NRXN1: variants seen among roughly 807,000 people sequenced by gnomAD.
NRXN1 encodes the protein neurexin 1, also known as neurexin-1.
A neutral mutation model predicts 150.9 loss-of-function variants in NRXN1; 39 were observed. The ratio of observed to expected loss-of-function variants is 0.26; its 90% confidence interval spans 0.20 to 0.34. NRXN1 has a LOEUF of 0.34. Among genes scored for constraint, NRXN1 ranks in the 10% least tolerant of loss-of-function variants. The pLI is 1.00. For missense variants in NRXN1, 1,815 were observed against 1,949.9 expected (o/e 0.93, Z 1.30); for synonymous variants, 924 against 757.0 (o/e 1.22, Z -3.62).
intron 21 of NRXN1, among the ~76,000 whole-genome samples, chr2:50,010,397 C>G (rs1409479276): frequency 1.3e-5 from 2 of 152,106 alleles, no homozygotes; most frequent in South Asian, 2.1e-4. Context: ...ATGTTATTGT[C>G]TTATCTTTTT....
rs185859924 is a variant in NRXN1 at position 50,606,000 on chromosome 2, G to C, written c.1320+14022C>G. 6.6e-4 allele frequency among the ~76,000 whole-genome samples: 101 copies of C among 152,192 alleles called. 1 individual carries two copies. The highest frequency in any genetic ancestry group is 2.3e-3 in the African/African-American group (97 of 41,528). Reference sequence around the variant, plus strand: ...AATCAGCCAGGAGCCTGTAATCCTAGCACTTTGGGAGGCCAAGGCAGGCAG... The same window carrying C: ...AATCAGCCAGGAGCCTGTAATCCTACCACTTTGGGAGGCCAAGGCAGGCAG... On this transcript the variant is annotated intron_variant, in intron 8 of 22. Coordinates refer to ENST00000401669, the MANE Select transcript of NRXN1 (RefSeq NM_001330078.2).
intron 18 of NRXN1, among the ~76,000 whole-genome samples, chr2:50,133,241 G>C (rs4971649): frequency 0.17 from 25,852 of 152,004 alleles, 2,684 homozygotes; most frequent in East Asian, 0.37. Flanking sequence ...TGTAGGGAAA[G>C]TGGCTGAGGC....
chr2:50,823,723 G>A (rs1327623006), intron 5 of NRXN1, among the ~76,000 whole-genome samples: 3 of 152,104 alleles, frequency 2.0e-5, no homozygotes, highest in Non-Finnish European at 4.4e-5. Context: ...GAATAGTGCT[G>A]GATCCACAGT....
intron 2 of NRXN1, among the ~76,000 whole-genome samples, chr2:50,971,065 T>C (rs774769700): frequency 3.0e-4 from 46 of 152,192 alleles, no homozygotes; most frequent in Non-Finnish European, 4.4e-4. Context: ...TAAAAGGGTC[T>C]ATCTACAAAC....
intron 17 of NRXN1, among the ~76,000 whole-genome samples, chr2:50,366,771 A>G (rs1002648651): frequency 2.6e-5 from 4 of 151,958 alleles, no homozygotes; most frequent in Admixed American, 6.6e-5. Flanking sequence ...TTCTGAGATC[A>G]TGAGGTCAAA....
chr2:50,366,502 A>G (rs1454792277), intron 17 of NRXN1, among the ~76,000 whole-genome samples: 1 of 151,930 alleles, frequency 6.6e-6, no homozygotes, highest in Non-Finnish European at 1.5e-5. Flanking sequence ...AAGTAGAACC[A>G]TTTGAAAGGA....
chr2:50,323,571 C>CTATATATA (rs149609146), intron 17 of NRXN1, among the ~76,000 whole-genome samples: 201 of 144,362 alleles, frequency 1.4e-3, no homozygotes, highest in African/African-American at 4.7e-3. Context: ...GGGAAATAAA[C>CTATATATA]TATATATATA....
Position 50,279,742 on chromosome 2 carries a change from T to C in NRXN1, c.3365-42772A>G, listed in dbSNP as rs1009042170. The stretch of plus-strand genomic sequence containing the variant: ...AAAAAAATTCACTTCGTATCTCTTG[T>C]TGACAAAATGCCAAGAATCATTTTC... On this transcript the variant is annotated intron_variant, in intron 17 of 22. Coordinates refer to ENST00000401669, the MANE Select transcript of NRXN1 (RefSeq NM_001330078.2). 5.3e-5 allele frequency among the ~76,000 whole-genome samples: 8 copies of C among 152,326 alleles called. No individual in the cohort carries two copies. In the East Asian group the frequency reaches 1.3e-3, roughly 26 times the overall value.
At chr2:50,630,838 A>G (rs1368290077) in intron 5 of NRXN1, among the ~76,000 whole-genome samples, 1 of 151,766 alleles carries the variant, frequency 6.6e-6, no homozygotes, top group African/African-American at 2.4e-5. Context: ...GAAGTCAAAT[A>G]CACAAAAATA....
intron 18 of NRXN1, among the ~76,000 whole-genome samples, chr2:50,098,830 GTTTTTTTTTTTTTTTTTTTTTT>G (rs746736925): frequency 3.7e-4 from 39 of 105,526 alleles, no homozygotes; most frequent in African/African-American, 1.2e-3. Context: ...TTTGGTTTTA[GTTTTTTTTTTTTTTTTTTTTTT>G]TTTTTTTTTT....
At chr2:50,825,631 T>C (rs745500678) in intron 5 of NRXN1, among the ~76,000 whole-genome samples, 10 of 152,224 alleles carry the variant, frequency 6.6e-5, no homozygotes, top group African/African-American at 2.4e-4. Context: ...CTGTATCCTT[T>C]GTAATATTCT....
intron 17 of NRXN1, among the ~76,000 whole-genome samples, chr2:50,441,023 A>T (rs1049464316): frequency 6.6e-6 from 1 of 152,178 alleles, no homozygotes; most frequent in African/African-American, 2.4e-5. Context: ...ATTAACACAG[A>T]TTTTAAGCAA....
chr2:50,721,762 AT>A (rs1696686630), intron 5 of NRXN1, among the ~76,000 whole-genome samples: 1 of 152,034 alleles, frequency 6.6e-6, no homozygotes, highest in African/African-American at 2.4e-5. Flanking sequence ...AACCCAATTA[AT>A]TTTTTCCTCA....
chr2:50,069,734 C>T (rs1695918509), intron 19 of NRXN1, among the ~76,000 whole-genome samples: 1 of 152,078 alleles, frequency 6.6e-6, no homozygotes, highest in Admixed American at 6.5e-5. Context: ...CCTCTTATCA[C>T]TGAGACATTT....
At chr2:50,179,396 T>G (rs2060556939) in intron 18 of NRXN1, among the ~76,000 whole-genome samples, 1 of 152,164 alleles carries the variant, frequency 6.6e-6, no homozygotes, top group African/African-American at 2.4e-5. Flanking sequence ...CCTGTTTTTC[T>G]TTTGTCCTTA....
At position 50,552,940 on chromosome 2, in the gene NRXN1, A is replaced by G. The variant is rs780647151; in HGVS notation, c.1406T>C (p.Val469Ala). ...GDPKMKIHGV[V>A]AFKCENVATL... ...TGCAACATTCTCACATTTAAATGCC[A>G]CCACTCCATGGATCTTCATCTTAGG... Residue 469 changes from valine (V) to alanine (A), a missense_variant, in exon 9 of 23, where the codon GTG becomes GCG. Physicochemically the swap from Val to Ala is moderately conservative, Grantham distance 64 (BLOSUM62 0). Transcript: ENST00000401669. 6.2e-7 allele frequency: 1 copy of G among 1,613,814 alleles called. No individual in the cohort carries two copies. The highest frequency in any genetic ancestry group is 8.5e-7 in the Non-Finnish European group (1 of 1,179,722).
intron 19 of NRXN1, among the ~76,000 whole-genome samples, chr2:50,075,319 C>T: frequency 6.6e-6 from 1 of 152,146 alleles, no homozygotes; most frequent in East Asian, 1.9e-4. Context: ...ATCTTGGCTG[C>T]ACACCAGATG....
At chr2:49,956,704 T>G (rs529991166) in intron 21 of NRXN1, among the ~76,000 whole-genome samples, 51 of 152,282 alleles carry the variant, frequency 3.3e-4, no homozygotes, top group Middle Eastern at 3.4e-3. Flanking sequence ...ATTATATGAT[T>G]CCATAAGTCA....
chr2:50,942,123 C>T (rs1185982013), intron 2 of NRXN1, among the ~76,000 whole-genome samples: 2 of 152,188 alleles, frequency 1.3e-5, no homozygotes, highest in African/African-American at 4.8e-5. Context: ...AGGATGCAAG[C>T]CCCAAGCCTT....
Sources: allele counts gnomAD v4.1 joint callset (sites outside exome capture counted in the v4.1 genomes callset), GRCh38; gene constraint gnomAD v4.1.1; transcripts MANE v1.5; gene names NCBI Gene and HGNC (gene_info 2026-07-23, HGNC 2026-07-21).